Variants in ARHGAP29 observed in about 807,000 individuals in gnomAD.
The protein encoded by ARHGAP29 is Rho GTPase activating protein 29, also known as rho GTPase-activating protein 29.
A neutral mutation model predicts 122.6 loss-of-function variants in ARHGAP29; 43 were observed. The ratio of observed to expected loss-of-function variants is 0.35; its 90% CI spans 0.27 to 0.45. The LOEUF is 0.45. ARHGAP29 is among the 20% of genes least tolerant of loss of function. The pLI is 1.00. For synonymous variants in ARHGAP29, 506 were observed against 497.1 expected (o/e 1.02, Z -0.24); for missense variants, 1,303 against 1,477.2 (o/e 0.88, Z 1.93).
chr1:94,206,878 A>C (rs1230335629), intron 5 of ARHGAP29, among the ~76,000 whole-genome samples: 1 of 150,810 alleles, frequency 6.6e-6, no homozygotes, highest in Non-Finnish European at 1.5e-5. Flanking sequence ...CAGGTGAAGG[A>C]GTTCTCACTC....
rs550119198 is a variant in ARHGAP29, at chr1:94,226,701, G to C, written c.205+4706C>G. Among the ~76,000 whole-genome samples, 20 of 151,528 alleles carry C rather than the reference G, an allele frequency of 1.3e-4. No individual in the cohort carries two copies. The South Asian group carries it at 4.2e-3, about 32-fold the overall frequency. ...AGAGGAATCTAATACACCGAGAACT[G>C]GTACAGGTGTAATAAATGAGCTACT... On this transcript the variant is annotated intron_variant, in intron 2 of 22. Coordinates refer to ENST00000260526, the MANE Select transcript of ARHGAP29 (RefSeq NM_004815.4).
Position 94,188,859 on chromosome 1 carries a change from C to A in ARHGAP29, c.1659G>T (p.Leu553=). Residue 553 remains leucine (L), a synonymous_variant, in exon 15 of 23, where the codon CTG becomes CTT. Transcript: ENST00000260526. ...TACCTGGACTTATAGATTCTGAATCCAGAGATCTAGATTCGCTGCTCCCTC... is the reference window on the plus strand; with the variant it reads ...TACCTGGACTTATAGATTCTGAATCAAGAGATCTAGATTCGCTGCTCCCTC... ...STGGSSESRS[L]DSESISPGDF... is the part of the protein sequence containing the mutation. The A allele has an allele frequency of 6.2e-7, 1 of 1,612,294 alleles. No individual in the cohort carries two copies. Among genetic ancestry groups the A allele is most frequent in the Non-Finnish European group, 8.5e-7 (1 of 1,178,690 alleles).
chr1:94,186,162 G>A (rs964333260), intron 16 of ARHGAP29, among the ~76,000 whole-genome samples: 1 of 152,118 alleles, frequency 6.6e-6, no homozygotes, highest in East Asian at 1.9e-4. Context: ...GAGCTTTTTA[G>A]AATTTCTTAT....
the ARHGAP29 span, among the ~76,000 whole-genome samples, chr1:94,288,562 A>G: frequency 1.3e-5 from 2 of 152,126 alleles, no homozygotes; most frequent in Non-Finnish European, 2.9e-5. Flanking sequence ...TTAGTCATGA[A>G]GTCTTTGCCC....
At position 94,203,949 on chromosome 1, in the gene ARHGAP29, C is replaced by G; in HGVS notation, c.743G>C (p.Arg248Thr). The G allele has an allele frequency of 6.2e-7, 1 of 1,613,860 alleles. No individual in the cohort carries two copies. The highest frequency in any genetic ancestry group is 2.2e-5 in the East Asian group (1 of 44,836). The change falls in exon 8 of 23, where the codon AGA becomes ACA. Residue 248 changes from arginine (R) to threonine (T), a missense_variant. Around this residue, in one of 3 missense-constraint regions of ARHGAP29, gnomAD observed 592 missense variants for 648.2 expected, o/e 0.91. Transcript: ENST00000260526. Reference sequence around the variant, plus strand: ...ACTTACCTGAATTCCAATGTTAGTTCTAGTTGCCTCTGCCAACTTGACCAT... The same window carrying G: ...ACTTACCTGAATTCCAATGTTAGTTGTAGTTGCCTCTGCCAACTTGACCAT... ...RNMVKLAEAT[R>T]TNIGIQEFMP...
Position 94,201,814 on chromosome 1 carries a change from A to C in ARHGAP29, c.1187T>G (p.Val396Gly). ...NELYKVCVTNVEERRNDLENT... is the reference protein window; with the variant it reads ...NELYKVCVTNGEERRNDLENT... ...TTCTAGATCATTTCTTCTTTCTTCA[A>C]CATTTGTCACACAAACTTTGTAAAG... Residue 396 changes from valine to glycine, a missense_variant, in exon 12 of 23, where the codon GTT (valine) becomes GGT (glycine). Val to Gly is a moderately radical substitution (Grantham distance 109). Around this residue, in one of 3 missense-constraint regions of ARHGAP29, gnomAD observed 592 missense variants for 648.2 expected, o/e 0.91. Coordinates refer to ENST00000260526, the MANE Select transcript of ARHGAP29 (RefSeq NM_004815.4). 1 of 1,613,160 alleles carries C rather than the reference A, an allele frequency of 6.2e-7. No individual in the cohort carries two copies. Among genetic ancestry groups the C allele is most frequent in the Non-Finnish European group, 8.5e-7 (1 of 1,179,576 alleles).
intron 5 of ARHGAP29, among the ~76,000 whole-genome samples, chr1:94,205,970 A>G (rs1264406573): frequency 6.6e-6 from 1 of 152,232 alleles, no homozygotes; most frequent in African/African-American, 2.4e-5. Context: ...AATTTTGCAG[A>G]TAACAAAAAT....
In ARHGAP29 at chr1:94,174,186, T is replaced by C. The variant is rs1273836863; in HGVS notation, c.3469A>G (p.Thr1157Ala). 3.7e-6 allele frequency: 6 copies of C among 1,614,200 alleles called. No individual in the cohort carries two copies. Among genetic ancestry groups the C allele is most frequent in the African/African-American group, 1.3e-5 (1 of 75,052 alleles). Residue 1157 changes from threonine (T) to alanine (A), a missense_variant, in exon 23 of 23, where the codon ACA becomes GCA. Coordinates refer to ENST00000260526, the MANE Select transcript of ARHGAP29 (RefSeq NM_004815.4). ...YPLAPVRAPRTLQPQHWTTFY... is the reference protein window; with the variant it reads ...YPLAPVRAPRALQPQHWTTFY... ...GTTGTCCAATGTTGAGGCTGCAGTG[T>C]TCTGGGTGCTCTGACAGGAGCGAGA...
intron 19 of ARHGAP29, among the ~76,000 whole-genome samples, chr1:94,183,292 T>C (rs1325959425): frequency 2.0e-5 from 3 of 152,254 alleles, no homozygotes; most frequent in African/African-American, 7.2e-5. Flanking sequence ...CTCTCTGACA[T>C]TATCTCTTCA....
chr1:94,288,572 C>G, the ARHGAP29 span, among the ~76,000 whole-genome samples: 1 of 152,114 alleles, frequency 6.6e-6, no homozygotes, highest in Admixed American at 6.5e-5. Context: ...AGTCTTTGCC[C>G]ATGCTTATGT....
intron 3 of ARHGAP29, among the ~76,000 whole-genome samples, chr1:94,213,921 T>C (rs150582908): frequency 4.6e-5 from 7 of 152,318 alleles, no homozygotes; most frequent in African/African-American, 9.6e-5. Context: ...CAAAATTAGA[T>C]GTCTTTTTTC....
At position 94,256,536 on chromosome 1, in the gene ARHGAP29, C is replaced by CTTTTTTT. The variant is rs530295333; in HGVS notation, c.-33+18469_-33+18475dup. 2.2e-3 allele frequency among the ~76,000 whole-genome samples: 98 copies of CTTTTTTT among 45,330 alleles called. 33 individuals carry two copies. Among genetic ancestry groups the CTTTTTTT allele is most frequent in the East Asian group, 6.4e-3 (5 of 780 alleles). 29.7% of individuals were successfully genotyped at this position (45,330 alleles called of 152,430 possible). On this transcript the variant is annotated intron_variant and NMD_transcript_variant, in intron 1 of 25. Transcript: ENST00000552844. ...CAGAAATAGATTTAACAGTACTAAT[C>CTTTTTTT]TTTTTTTTTTTTTTTTTTTTTTTTT...
intron 8 of ARHGAP29, among the ~76,000 whole-genome samples, 178 bp downstream of exon 8, chr1:94,203,752 G>T (rs894944187): frequency 6.6e-6 from 1 of 151,954 alleles, no homozygotes; most frequent in Non-Finnish European, 1.5e-5. Flanking sequence ...AAAAAAAAGC[G>T]TATTTCCTAG....
chr1:94,295,123 C>G, the ARHGAP29 span, among the ~76,000 whole-genome samples: 1 of 152,096 alleles, frequency 6.6e-6, no homozygotes, highest in Non-Finnish European at 1.5e-5. Context: ...TGACTAGGGC[C>G]AACTAGAAGG....
chr1:94,268,057 TAAAC>T (rs1203947744), intron 1 of ARHGAP29, among the ~76,000 whole-genome samples: 7 of 152,106 alleles, frequency 4.6e-5, no homozygotes, highest in Admixed American at 3.9e-4. Flanking sequence ...CTTCTTCTGA[TAAAC>T]AAAAAAACTA....
chr1:94,309,481 G>A, the ARHGAP29 span, among the ~76,000 whole-genome samples: 2 of 152,332 alleles, frequency 1.3e-5, no homozygotes, highest in East Asian at 1.9e-4. Flanking sequence ...ACTCACAGCC[G>A]TTCCAAACAT....
At position 94,232,309 on chromosome 1, in the gene ARHGAP29, T is replaced by C. The variant is rs113817145; in HGVS notation, c.-32-666A>G. On this transcript the variant is annotated intron_variant, in intron 1 of 22. Transcript: ENST00000260526. ...CGATGATACAGAAGTGTCGAGAACATAGAAGTTCAATTACAGTTAGTTTTT... is the reference window on the plus strand; with the variant it reads ...CGATGATACAGAAGTGTCGAGAACACAGAAGTTCAATTACAGTTAGTTTTT... 6.6e-4 allele frequency among the ~76,000 whole-genome samples: 101 copies of C among 152,190 alleles called. 2 individuals are homozygous for C. In the South Asian group the frequency reaches 0.015, roughly 23 times the overall value.
At chr1:94,241,567 A>T (rs927761215), upstream of ARHGAP29, among the ~76,000 whole-genome samples, 1 of 151,278 alleles carries the variant, frequency 6.6e-6, no homozygotes, top group African/African-American at 2.4e-5. Context: ...CAGTGAGCCA[A>T]GATCACACCA....
chr1:94,247,427 C>A (rs901650452), intron 1 of ARHGAP29, among the ~76,000 whole-genome samples: 7 of 151,738 alleles, frequency 4.6e-5, no homozygotes, highest in African/African-American at 1.7e-4. Flanking sequence ...TCCTCTCGCT[C>A]GTCCGCGCCT....
Sources: allele counts gnomAD v4.1 joint callset (sites outside exome capture counted in the v4.1 genomes callset), GRCh38; gene constraint gnomAD v4.1.1; regional missense constraint gnomAD v4.1.1; transcripts MANE v1.5; gene names NCBI Gene and HGNC (gene_info 2026-07-23, HGNC 2026-07-21).